The following SIN3B variants were observed in gnomAD, a reference collection of about 807,000 sequenced individuals.
The protein encoded by SIN3B is SIN3 transcription regulator family member B, also known as paired amphipathic helix protein Sin3b.
Under a neutral mutation model 120.2 loss-of-function variants are expected in SIN3B, and 19 were observed. That is an observed-to-expected ratio of 0.16 (90% CI 0.11 to 0.23). The LOEUF (loss-of-function observed/expected upper bound fraction) is 0.23. Ranked by LOEUF, SIN3B falls within the 10% of genes least tolerant of loss-of-function variation. SIN3B has a pLI of 1.00. For missense variants in SIN3B, 1,073 were observed against 1,573.0 expected (o/e 0.68, Z 5.38); for synonymous variants, 654 against 653.2 (o/e 1.00, Z -0.02).
chr19:16,877,439 TG>T (rs1189562074), intron 16 of SIN3B, 105 bp from the exon 17 acceptor site: 6 of 772,270 alleles, frequency 7.8e-6, no homozygotes, highest in African/African-American at 6.9e-5. Context: ...GCTCTGGCAG[TG>T]GGGGGCACAG....
intron 3 of SIN3B, among the ~76,000 whole-genome samples, chr19:16,838,908 G>A (rs552497025): frequency 1.3e-4 from 19 of 146,706 alleles, no homozygotes; most frequent in Non-Finnish European, 2.7e-4. Flanking sequence ...TCCTGACCTC[G>A]TGATCCGCCA....
intron 3 of SIN3B, among the ~76,000 whole-genome samples, chr19:16,832,359 A>G (rs1971290257): frequency 6.6e-6 from 1 of 151,662 alleles, no homozygotes; most frequent in Non-Finnish European, 1.5e-5. Flanking sequence ...CACCATGCTT[A>G]GCTAATTTTT....
intron 3 of SIN3B, 134 bp from the exon 4 acceptor site, chr19:16,841,634 T>A: frequency 1.2e-6 from 1 of 818,852 alleles, no homozygotes; most frequent in Non-Finnish European, 2.0e-6. Context: ...AGAAGTAACC[T>A]TTCCCTGTCT....
At chr19:16,864,449 C>T (rs56182370) in intron 10 of SIN3B, among the ~76,000 whole-genome samples, 25,372 of 151,800 alleles carry the variant, frequency 0.17, 2,342 homozygotes, top group African/African-American at 0.22. Flanking sequence ...CCACCTCAGC[C>T]TCCTGAGTAA....
chr19:16,856,698 A>C (rs1014425518), intron 8 of SIN3B, among the ~76,000 whole-genome samples: 9 of 151,994 alleles, frequency 5.9e-5, no homozygotes, highest in African/African-American at 2.2e-4. Context: ...CATCCTCCTG[A>C]GTAGCTGGGA....
At chr19:16,870,805 C>T (rs927006648) in intron 13 of SIN3B, among the ~76,000 whole-genome samples, 8 of 152,286 alleles carry the variant, frequency 5.3e-5, no homozygotes, top group Middle Eastern at 3.4e-3. Flanking sequence ...CCACCTGCCT[C>T]GGGCTTCCAA....
intron 14 of SIN3B, among the ~76,000 whole-genome samples, chr19:16,873,630 T>C (rs1469002152): frequency 1.3e-5 from 2 of 151,504 alleles, no homozygotes; most frequent in Non-Finnish European, 2.9e-5. Flanking sequence ...AAGCATTGAT[T>C]AATGCTTTAA....
In SIN3B at chr19:16,878,790, G is replaced by C. The variant is rs1466885789; in HGVS notation, c.*63G>C. 2.8e-6 allele frequency: 4 copies of C among 1,406,626 alleles called. No homozygotes were observed. The highest frequency in any genetic ancestry group is 2.1e-5 in the Admixed American group (1 of 46,518). The allele number at this position is 1,406,626 out of a possible 1,614,324, so 87.1% of individuals were successfully genotyped here. A position where few individuals can be genotyped will look rare whatever the true frequency, so the allele number is the denominator to read the frequency against. ...CACAGACGTGCCCTCGGCCTTGGTC[G>C]TGTCGGGGCCGTTTTCTTGAACGAC... On this transcript the variant is annotated 3_prime_UTR_variant, in exon 19 of 19. Transcript: ENST00000248054.
At chr19:16,829,598 C>T in intron 1 of SIN3B, 58 bp downstream of exon 1, 1 of 1,252,556 alleles carries the variant, frequency 8.0e-7, no homozygotes, top group South Asian at 3.0e-5. Flanking sequence ...CGCGGGCGGG[C>T]GCCCCTCACC....
chr19:16,843,617 G>A (rs2144585704), intron 4 of SIN3B, among the ~76,000 whole-genome samples: 1 of 152,280 alleles, frequency 6.6e-6, no homozygotes, highest in East Asian at 1.9e-4. Flanking sequence ...TCTGTGCAGT[G>A]GCTCTGTTCT....
At chr19:16,831,714 C>A in intron 3 of SIN3B, 67 bp downstream of exon 3, 1 of 1,413,906 alleles carries the variant, frequency 7.1e-7, no homozygotes, top group South Asian at 1.2e-5. Flanking sequence ...TCAGGTTGGG[C>A]CACGTGTCTC....
At chr19:16,875,621 G>GGGTCT (rs1390367568) in intron 14 of SIN3B, among the ~76,000 whole-genome samples, 2 of 128,444 alleles carry the variant, frequency 1.6e-5, no homozygotes, top group African/African-American at 3.1e-5. Context: ...GGTCTGGTTT[G>GGGTCT]GGTCTGGTCT....
rs1189492782 is a variant in SIN3B, at chr19:16,831,613, G to T, written c.347G>T (p.Gly116Val). 1.2e-6 allele frequency: 2 copies of T among 1,613,860 alleles called. No homozygotes were observed. Among genetic ancestry groups the T allele is most frequent in the African/African-American group, 1.3e-5 (1 of 74,880 alleles). Residue 116 changes from glycine (G) to valine (V), a missense_variant, in exon 3 of 19, where the codon GGC (glycine) becomes GTC (valine). This residue lies in a region of SIN3B where 395 missense variants were observed against 528.0 expected (regional missense o/e 0.75). Transcript: ENST00000248054. ...TATAGAATAGACATTCCCAAGAATGGCAAGTTAAACATACAGTCGCCTCTG... is the reference window on the plus strand; with the variant it reads ...TATAGAATAGACATTCCCAAGAATGTCAAGTTAAACATACAGTCGCCTCTG... ...LGYRIDIPKN[G>V]KLNIQSPLTS...
chr19:16,833,906 A>C (rs1971311728), intron 3 of SIN3B, among the ~76,000 whole-genome samples: 1 of 151,532 alleles, frequency 6.6e-6, no homozygotes, highest in South Asian at 2.1e-4. Context: ...TTGTATTTTT[A>C]GTGGAGATGG....
In SIN3B at chr19:16,879,094, A is replaced by T; in HGVS notation, c.*367A>T. ...CCGTGTCTTGGAAAAGTCACAGGTG[A>T]CAGCCCTCCTGAGGCCCACACTTTG... On this transcript the variant is annotated 3_prime_UTR_variant, in exon 19 of 19. Transcript: ENST00000248054. The T allele has an allele frequency of 3.5e-6, 1 of 289,588 alleles. No individual in the cohort carries two copies. The highest frequency in any genetic ancestry group is 6.5e-6 in the Non-Finnish European group (1 of 154,734). 17.9% of individuals were successfully genotyped at this position (289,588 alleles called of 1,614,324 possible).
At chr19:16,860,201 C>A (rs1971667540) in intron 8 of SIN3B, among the ~76,000 whole-genome samples, 1 of 152,166 alleles carries the variant, frequency 6.6e-6, no homozygotes, top group African/African-American at 2.4e-5. Context: ...GGGTTAGGAG[C>A]GTTCACCACC....
At chr19:16,847,193 G>A (rs544341055) in intron 5 of SIN3B, 80 bp downstream of exon 5, 4 of 1,510,994 alleles carry the variant, frequency 2.6e-6, no homozygotes, top group South Asian at 1.2e-5. Context: ...CCATGTCCGG[G>A]CCAAGCCTAT....
chr19:16,843,861 AT>A (rs11323488), intron 4 of SIN3B, among the ~76,000 whole-genome samples: 116,479 of 152,006 alleles, frequency 0.77, 44,991 homozygotes, highest in Middle Eastern at 0.85. Flanking sequence ...TTTTGTTTTT[AT>A]TTTTTTGAGA....
chr19:16,844,323 T>TTAC (rs1971454249), intron 4 of SIN3B: 1 of 152,294 alleles, frequency 6.6e-6, no homozygotes, highest in Middle Eastern at 3.1e-3. Flanking sequence ...TGGCCGTGTG[T>TTAC]TACTGTTTCT....
Sources: gnomAD v4.1 joint callset for allele counts (sites outside exome capture counted in the v4.1 genomes callset) on GRCh38, gnomAD v4.1.1 for gene constraint, gnomAD v4.1.1 regional missense constraint, MANE v1.5 for transcripts, NCBI Gene and HGNC (gene_info 2026-07-23, HGNC 2026-07-21) for gene names.